Variants in BCL7A observed in about 807,000 individuals in gnomAD.
BCL7A encodes BAF chromatin remodeling complex subunit BCL7A, also known as B-cell CLL/lymphoma 7 protein family member A.
Under a neutral mutation model 28.4 loss-of-function variants are expected in BCL7A, and 11 were observed. The ratio of observed to expected loss-of-function variants is 0.39; its 90% CI spans 0.24 to 0.64. BCL7A has a LOEUF of 0.64. Ranked by LOEUF, BCL7A falls within the 30% of genes least tolerant of loss-of-function variation. BCL7A has a pLI of 0.50. For missense variants in BCL7A, 222 were observed against 274.8 expected (o/e 0.81, Z 1.36); for synonymous variants, 123 against 103.3 (o/e 1.19, Z -1.15).
chr12:122,059,428 G>A lies in BCL7A; in HGVS notation c.*265G>A. 2.7e-6 allele frequency: 1 copy of A among 369,166 alleles called. No homozygotes were observed. Among genetic ancestry groups the A allele is most frequent in the Non-Finnish European group, 5.0e-6 (1 of 200,716 alleles). 22.9% of individuals were successfully genotyped at this position (369,166 alleles called of 1,614,324 possible). On this transcript the variant is annotated 3_prime_UTR_variant, in exon 6 of 6. Coordinates refer to ENST00000261822, the MANE Select transcript of BCL7A (RefSeq NM_001024808.3). The surrounding 1 kb of genome is among the most constrained non-coding windows in gnomAD (Gnocchi z 4.0). ...GACAGCTCAGGAGTGTCTGCACACT[G>A]TCTCGGAAGCCAGGATTCCATTTGT...
chr12:122,051,866 C>CTTTTTTTTTTTTTTT (rs34244407), intron 4 of BCL7A, among the ~76,000 whole-genome samples: 1 of 80,302 alleles, frequency 1.2e-5, no homozygotes, highest in Non-Finnish European at 2.2e-5. Flanking sequence ...CTCTCTCTCT[C>CTTTTTTTTTTTTTTT]TTTTTTTTTT....
intron 1 of BCL7A, 50 bp from the exon 2 acceptor site, chr12:122,030,650 C>A: frequency 6.5e-7 from 1 of 1,542,628 alleles, no homozygotes; most frequent in Admixed American, 1.7e-5. Context: ...GGCCTGTGTC[C>A]CCCAGGGATG....
chr12:122,034,425 TAAA>T (rs35998182), intron 2 of BCL7A, among the ~76,000 whole-genome samples: 21 of 118,358 alleles, frequency 1.8e-4, no homozygotes, highest in East Asian at 2.4e-4. Context: ...ATTCCTTTCG[TAAA>T]AAAAAAAAAA....
intron 1 of BCL7A, among the ~76,000 whole-genome samples, chr12:122,026,299 C>T (rs1883629342): frequency 6.7e-6 from 1 of 150,114 alleles, no homozygotes; most frequent in Non-Finnish European, 1.5e-5. Flanking sequence ...AAAAATTAGA[C>T]AGGCATGGTG....
At chr12:122,054,067 C>G (rs1053872836) in intron 4 of BCL7A, among the ~76,000 whole-genome samples, 1 of 152,080 alleles carries the variant, frequency 6.6e-6, no homozygotes, top group African/African-American at 2.4e-5. Flanking sequence ...ATTGCTCTGG[C>G]AATCGGAAAA....
At chr12:122,053,414 CCTT>C (rs757650656) in intron 4 of BCL7A, among the ~76,000 whole-genome samples, 30 of 152,312 alleles carry the variant, frequency 2.0e-4, no homozygotes, top group African/African-American at 4.3e-4. Flanking sequence ...TGCACTGTCT[CCTT>C]CTTCTTCCCA....
At chr12:122,053,469 C>A (rs116305132) in intron 4 of BCL7A, among the ~76,000 whole-genome samples, 2,760 of 152,210 alleles carry the variant, frequency 0.018, 91 homozygotes, top group African/African-American at 0.063. Flanking sequence ...GGTTATTTTC[C>A]CCTTTGTTAT....
intron 4 of BCL7A, among the ~76,000 whole-genome samples, chr12:122,047,008 A>T: frequency 6.7e-6 from 1 of 150,080 alleles, no homozygotes; most frequent in Non-Finnish European, 1.5e-5. Context: ...GGTTCAAGTG[A>T]TTCTCTTGCC....
Position 122,060,764 on chromosome 12 carries a change from C to G in BCL7A, c.*1601C>G, listed in dbSNP as rs1439705680. On this transcript the variant is annotated 3_prime_UTR_variant, in exon 6 of 6. Transcript: ENST00000261822. ...GGAAGTGTCTGCTGGATTCCATTTT[C>G]TAAGAGTTTCTGAGGGTGAGGCTCT... 4.4e-6 allele frequency: 1 copy of G among 228,792 alleles called. No homozygotes were observed. Among genetic ancestry groups the G allele is most frequent in the Admixed American group, 5.8e-5 (1 of 17,358 alleles). 14.2% of individuals were successfully genotyped at this position (228,792 alleles called of 1,614,324 possible).
rs1305265375 is a variant in BCL7A, at chr12:122,060,931, G to A, written c.*1768G>A. ...CCACAACTTTGAAAATCTTAATGTT[G>A]AAGTTAGCAATGCCGAAAGGTTTCT... is the stretch of plus-strand genomic sequence containing the variant. On this transcript the variant is annotated 3_prime_UTR_variant, in exon 6 of 6. Transcript: ENST00000261822. The A allele has an allele frequency of 4.5e-6, 1 of 223,548 alleles. No homozygotes were observed. The highest frequency in any genetic ancestry group is 8.9e-6 in the Non-Finnish European group (1 of 112,564). 13.8% of individuals were successfully genotyped at this position (223,548 alleles called of 1,614,324 possible). A position where few individuals can be genotyped will look rare whatever the true frequency, so the allele number is the denominator to read the frequency against.
intron 3 of BCL7A, among the ~76,000 whole-genome samples, chr12:122,041,170 G>T (rs77201221): frequency 3.9e-5 from 6 of 152,182 alleles, no homozygotes; most frequent in Non-Finnish European, 8.8e-5. Flanking sequence ...GAGGAGGGGC[G>T]TGGGGCTGGG....
Position 122,054,843 on chromosome 12 carries a change from C to T in BCL7A, c.478C>T (p.His160Tyr), listed in dbSNP as rs1884276340. ...DEQNSQSSMEHSMNSSEKVDR... is the reference protein window; with the variant it reads ...DEQNSQSSMEYSMNSSEKVDR... Reference sequence around the variant, plus strand: ...GCAGAATTCACAGTCCTCGATGGAACATTCGATGAACAGCTCAGAGAAAGT... The same window carrying T: ...GCAGAATTCACAGTCCTCGATGGAATATTCGATGAACAGCTCAGAGAAAGT... Residue 160 changes from histidine to tyrosine, a missense_variant, in exon 5 of 6, where the codon CAT becomes TAT. Physicochemically the swap from His to Tyr is moderately conservative, Grantham distance 83. Coordinates refer to ENST00000261822, the MANE Select transcript of BCL7A (RefSeq NM_001024808.3). 1 of 1,614,080 alleles carries T rather than the reference C, an allele frequency of 6.2e-7. No homozygotes were observed. The highest frequency in any genetic ancestry group is 2.2e-5 in the East Asian group (1 of 44,904).
intron 4 of BCL7A, chr12:122,044,413 C>A (rs190784853): frequency 1.0e-5 from 2 of 197,508 alleles, no homozygotes. Flanking sequence ...AGGCCGAGGT[C>A]GGAGGATCAC....
At position 122,022,061 on chromosome 12, in the gene BCL7A, G is replaced by C; in HGVS notation, c.-31G>C. On this transcript the variant is annotated 5_prime_UTR_variant, in exon 1 of 6. Coordinates refer to ENST00000261822, the MANE Select transcript of BCL7A (RefSeq NM_001024808.3). The stretch of plus-strand genomic sequence containing the variant: ...AGCGCGAGCAGGACCCGGCGGGCGC[G>C]CTCCCCAGCCTCCGTCTCCCCGCCG... 1 of 1,523,968 alleles carries C rather than the reference G, an allele frequency of 6.6e-7. No individual in the cohort carries two copies. Among genetic ancestry groups the C allele is most frequent in the Non-Finnish European group, 8.8e-7 (1 of 1,132,244 alleles). The allele number at this position is 1,523,968 out of a possible 1,614,324, so 94.4% of individuals were successfully genotyped here. A position where few individuals can be genotyped will look rare whatever the true frequency, so the allele number is the denominator to read the frequency against.
chr12:122,024,412 T>C (rs2135836173), intron 1 of BCL7A, among the ~76,000 whole-genome samples: 1 of 151,840 alleles, frequency 6.6e-6, no homozygotes, highest in Non-Finnish European at 1.5e-5. Flanking sequence ...TGCTCAGTGT[T>C]GTCTGTGTTG....
chr12:122,033,899 C>T (rs369683203), intron 2 of BCL7A, among the ~76,000 whole-genome samples: 29 of 152,232 alleles, frequency 1.9e-4, no homozygotes, highest in Admixed American at 5.9e-4. Context: ...TCGCCTGCCC[C>T]GGTAACCACC....
chr12:122,026,916 C>T (rs570911783), intron 1 of BCL7A, among the ~76,000 whole-genome samples: 3 of 152,258 alleles, frequency 2.0e-5, no homozygotes, highest in South Asian at 4.2e-4. Context: ...TATAGGAGTC[C>T]GTGCTGGGGA....
At chr12:122,048,058 C>A (rs932131842) in intron 4 of BCL7A, among the ~76,000 whole-genome samples, 34 of 152,120 alleles carry the variant, frequency 2.2e-4, no homozygotes, top group African/African-American at 7.9e-4. Flanking sequence ...CATGCACCCC[C>A]ACACCCGGCT....
chr12:122,025,159 A>C (rs1306202071), intron 1 of BCL7A, among the ~76,000 whole-genome samples: 2 of 152,012 alleles, frequency 1.3e-5, no homozygotes, highest in African/African-American at 4.8e-5. Context: ...GGTGGAGGAG[A>C]GAAGACCCCA....
Sources: allele counts gnomAD v4.1 joint callset (sites outside exome capture counted in the v4.1 genomes callset), GRCh38; gene constraint gnomAD v4.1.1; non-coding constraint Gnocchi (gnomAD v3.1); transcripts MANE v1.5; gene names NCBI Gene and HGNC (gene_info 2026-07-23, HGNC 2026-07-21).